The following NMT1 variants were observed in gnomAD, a reference collection of about 807,000 sequenced individuals.
NMT1 encodes N-myristoyltransferase 1.
Under a neutral mutation model 63.4 loss-of-function variants are expected in NMT1, and 12 were observed. The observed-to-expected ratio is 0.19, with a 90% CI of 0.12 to 0.31. The LOEUF is 0.31. Among genes scored for constraint, NMT1 ranks in the 10% least tolerant of loss-of-function variants. NMT1 has a pLI of 1.00. For synonymous variants in NMT1, 228 were observed against 234.3 expected, an observed-to-expected ratio of 0.97 and a Z score of 0.25; for missense variants, 432 against 634.6, an observed-to-expected ratio of 0.68 and a Z score of 3.43.
In NMT1 at chr17:45,103,285, A is replaced by G; in HGVS notation, c.1164+164A>G. On this transcript the variant is annotated intron_variant, in intron 9 of 11. Transcript: ENST00000258960. This position sits in a 1 kb window ranked among gnomAD's most constrained non-coding sequence, Gnocchi z 4.8. Reference sequence around the variant, plus strand: ...GAGTTGGTGCTTGAATTTGCTGAAAAGATACCTCTGGATCTGGCTTGAGCC... The same window carrying G: ...GAGTTGGTGCTTGAATTTGCTGAAAGGATACCTCTGGATCTGGCTTGAGCC... 6.6e-6 allele frequency among the ~76,000 whole-genome samples: 1 copy of G among 152,152 alleles called. No individual in the cohort carries two copies. Among genetic ancestry groups the G allele is most frequent in the East Asian group, 1.9e-4 (1 of 5,190 alleles).
At chr17:45,092,193 C>T (rs2054092905) in intron 3 of NMT1, among the ~76,000 whole-genome samples, 1 of 152,104 alleles carries the variant, frequency 6.6e-6, no homozygotes, top group Admixed American at 6.6e-5. Context: ...ACTATTTCCC[C>T]AGAAGATGGT....
chr17:45,088,997 G>A (rs144166707), intron 3 of NMT1, among the ~76,000 whole-genome samples: 20 of 152,244 alleles, frequency 1.3e-4, no homozygotes, highest in African/African-American at 2.4e-4. Context: ...GTGTGGTGTC[G>A]GACTCCATGG....
intron 7 of NMT1, chr17:45,098,760 T>G (rs572559395): frequency 1.9e-6 from 1 of 519,884 alleles, no homozygotes; most frequent in East Asian, 3.0e-5. Context: ...AGTCCCTGCC[T>G]TGTCTGGAGG....
At chr17:45,074,275 C>T (rs2053963326) in intron 1 of NMT1, among the ~76,000 whole-genome samples, 1 of 149,334 alleles carries the variant, frequency 6.7e-6, no homozygotes, top group African/African-American at 2.5e-5. Context: ...AGTGCAGTGG[C>T]TGGTTCTCTG....
intron 1 of NMT1, among the ~76,000 whole-genome samples, chr17:45,074,424 T>G (rs1237406985): frequency 6.6e-6 from 1 of 152,112 alleles, no homozygotes; most frequent in East Asian, 1.9e-4. Context: ...TTTCACCATG[T>G]TAGCCAGGAT....
rs2054203830 is a variant in NMT1, at chr17:45,106,560, C to T, written c.*921C>T. On this transcript the variant is annotated 3_prime_UTR_variant, in exon 12 of 12. Transcript: ENST00000258960. ...TGGACCTCCTTGTAACATCAGGGAC[C>T]TTTGGAGACCATTATCAGTGTAAGC... 1 of 152,654 alleles carries T rather than the reference C, an allele frequency of 6.6e-6. No homozygotes were observed. The highest frequency in any genetic ancestry group is 2.1e-4 in the South Asian group (1 of 4,834). The allele number at this position is 152,654 out of a possible 1,614,324, so 9.5% of individuals were successfully genotyped here.
At position 45,081,551 on chromosome 17, in the gene NMT1, A is replaced by G. The variant is rs147864927; in HGVS notation, c.132-93A>G. ...CTTCTGAAGCCAACAGGCTTGATTA[A>G]GGAAGGTCTGGCTCCACAGAAAGCT... On this transcript the variant is annotated intron_variant, in intron 1 of 11. Coordinates refer to ENST00000258960, the MANE Select transcript of NMT1 (RefSeq NM_021079.5). The G allele has an allele frequency of 1.2e-5, 13 of 1,116,008 alleles. 1 individual carries two copies. Among genetic ancestry groups the G allele is most frequent in the Middle Eastern group, 2.1e-4 (1 of 4,814 alleles). 69.1% of individuals were successfully genotyped at this position (1,116,008 alleles called of 1,614,324 possible).
rs748481474 is a variant in NMT1, at chr17:45,098,580, A to G, written c.884+28A>G. On this transcript the variant is annotated intron_variant, in intron 7 of 11. Transcript: ENST00000258960. ...AAAACTGTCTTCCTGTAAGGCCCCAAAAATGCGGGTGTCTGCACTGTAGTT... is the reference window on the plus strand; with the variant it reads ...AAAACTGTCTTCCTGTAAGGCCCCAGAAATGCGGGTGTCTGCACTGTAGTT... 4.4e-6 allele frequency: 7 copies of G among 1,607,748 alleles called. No homozygotes were observed. The East Asian group carries it at 1.1e-4, about 26-fold the overall frequency.
At chr17:45,091,498 A>G (rs1193725679) in intron 3 of NMT1, among the ~76,000 whole-genome samples, 1 of 152,178 alleles carries the variant, frequency 6.6e-6, no homozygotes, top group Non-Finnish European at 1.5e-5. Flanking sequence ...TTAGTACAAT[A>G]GGGAAGACCA....
intron 3 of NMT1, among the ~76,000 whole-genome samples, chr17:45,088,632 T>G (rs1036950307): frequency 6.6e-6 from 1 of 152,220 alleles, no homozygotes; most frequent in Non-Finnish European, 1.5e-5. Flanking sequence ...CATGGGCCTG[T>G]GATCCCAGCT....
chr17:45,104,486 C>T lies in NMT1; in HGVS notation c.1333-373C>T, dbSNP rs2054190467. On this transcript the variant is annotated intron_variant, in intron 10 of 11. Coordinates refer to ENST00000258960, the MANE Select transcript of NMT1 (RefSeq NM_021079.5). This position sits in a 1 kb window ranked among gnomAD's most constrained non-coding sequence, Gnocchi z 4.2. ...GCATCCATGGAGTAAGGAAGCAACA[C>T]AAACCCCATGTAGCTGACCAGAGCC... The T allele has an allele frequency of 9.1e-7, 1 of 1,103,054 alleles. No homozygotes were observed. The highest frequency in any genetic ancestry group is 1.6e-5 in the African/African-American group (1 of 61,970). The allele number at this position is 1,103,054 out of a possible 1,614,324, so 68.3% of individuals were successfully genotyped here.
At chr17:45,068,095 C>G (rs749130019) in intron 1 of NMT1, among the ~76,000 whole-genome samples, 17 of 152,162 alleles carry the variant, frequency 1.1e-4, no homozygotes, top group South Asian at 2.1e-4. Context: ...TCTTCCAATT[C>G]CTCAAAGAAG....
In NMT1 at chr17:45,104,089, C is replaced by G. The variant is rs2054187318; in HGVS notation, c.1332+213C>G. Reference sequence around the variant, plus strand: ...CCGAAGTGAAGGCATTGAACTCCTCCTGATTCATTTCAGTGAGTTTCGTTC... The same window carrying G: ...CCGAAGTGAAGGCATTGAACTCCTCGTGATTCATTTCAGTGAGTTTCGTTC... On this transcript the variant is annotated intron_variant, in intron 10 of 11. Transcript: ENST00000258960. This position sits in a 1 kb window ranked among gnomAD's most constrained non-coding sequence, Gnocchi z 4.2. 6.8e-7 allele frequency: 1 copy of G among 1,473,306 alleles called. No homozygotes were observed. Among genetic ancestry groups the G allele is most frequent in the Admixed American group, 2.4e-5 (1 of 42,488 alleles). The allele number at this position is 1,473,306 out of a possible 1,614,324, so 91.3% of individuals were successfully genotyped here. A position where few individuals can be genotyped will look rare whatever the true frequency, so the allele number is the denominator to read the frequency against.
chr17:45,084,083 C>A (rs2054034612), intron 2 of NMT1, among the ~76,000 whole-genome samples: 1 of 152,052 alleles, frequency 6.6e-6, no homozygotes, highest in South Asian at 2.1e-4. Flanking sequence ...TAATCTAAGT[C>A]TGACATAGGA....
intron 3 of NMT1, among the ~76,000 whole-genome samples, chr17:45,089,318 C>T (rs183269985): frequency 1.4e-4 from 21 of 152,244 alleles, no homozygotes; most frequent in East Asian, 1.9e-4. Context: ...TGGTATTCCA[C>T]TAAAGAAACC....
At chr17:45,084,161 C>A (rs1204030117) in intron 2 of NMT1, among the ~76,000 whole-genome samples, 1 of 151,924 alleles carries the variant, frequency 6.6e-6, no homozygotes, top group Non-Finnish European at 1.5e-5. Context: ...AAACAATAAT[C>A]TGGGAAAATA....
rs189358350 is a variant in NMT1 at position 45,076,402 on chromosome 17, C to T, written c.132-5242C>T. On this transcript the variant is annotated intron_variant, in intron 1 of 11. Coordinates refer to ENST00000258960, the MANE Select transcript of NMT1 (RefSeq NM_021079.5). ...ACTATGTGTACTCATAATGTGTCCT[C>T]ACGGATGGGGCTCAATACTTGGTAG... Among the ~76,000 whole-genome samples, 49 of 150,972 alleles carry T rather than the reference C, an allele frequency of 3.2e-4. 1 individual carries two copies. The highest frequency in any genetic ancestry group is 2.2e-3 in the Admixed American group (33 of 15,074).
chr17:45,096,906 A>T (rs887259428), intron 5 of NMT1, among the ~76,000 whole-genome samples: 4 of 152,250 alleles, frequency 2.6e-5, no homozygotes, highest in African/African-American at 9.6e-5. Flanking sequence ...TCAGTATGAT[A>T]ACCTTGGGTT....
chr17:45,103,473 C>A lies in NMT1; in HGVS notation c.1165-236C>A, dbSNP rs1467519215. 1.3e-5 allele frequency among the ~76,000 whole-genome samples: 2 copies of A among 152,126 alleles called. No homozygotes were observed. The highest frequency in any genetic ancestry group is 2.4e-5 in the African/African-American group (1 of 41,398). ...GGGATGTGAGCTGCAAGAAGAGGTC[C>A]CTGGCGGTGCCCATGCTGGGAAAGA... On this transcript the variant is annotated intron_variant, in intron 9 of 11. Coordinates refer to ENST00000258960, the MANE Select transcript of NMT1 (RefSeq NM_021079.5). The surrounding 1 kb of genome is among the most constrained non-coding windows in gnomAD (Gnocchi z 4.8).
Sources: allele counts gnomAD v4.1 joint callset (sites outside exome capture counted in the v4.1 genomes callset), GRCh38; gene constraint gnomAD v4.1.1; non-coding constraint Gnocchi (gnomAD v3.1); transcripts MANE v1.5; gene names NCBI Gene and HGNC (gene_info 2026-07-23, HGNC 2026-07-21).